Variants in TNS1 observed in about 807,000 individuals in gnomAD.
The protein encoded by TNS1 is tensin 1.
TNS1 carries 62 observed loss-of-function variants against 168.6 expected under a neutral mutation model. The observed-to-expected ratio is 0.37, with a 90% CI of 0.30 to 0.45. The LOEUF is 0.45. Ranked by LOEUF, TNS1 falls within the 20% of genes least tolerant of loss-of-function variation. The pLI is 1.00. For synonymous variants in TNS1, 934 were observed against 933.2 expected (o/e 1.00, Z -0.02); for missense variants, 2,240 against 2,339.4 (o/e 0.96, Z 0.88).
chr2:217,965,642 CAGCCAAGGTGGAGCCCCAGG>C (rs1257716673), intron 3 of TNS1, among the ~76,000 whole-genome samples: 2 of 152,188 alleles, frequency 1.3e-5, no homozygotes, highest in African/African-American at 2.4e-5. Context: ...CAGGTTCTCT[CAGCCAAGGTGGAGCCCCAGG>C]AGGCAAGGAG....
chr2:217,805,486 A>C (rs1938444865), intron 32 of TNS1, among the ~76,000 whole-genome samples: 3 of 35,410 alleles, frequency 8.5e-5, no homozygotes, highest in East Asian at 1.4e-3. Flanking sequence ...CACACACACC[A>C]CACACACACC....
At chr2:218,017,625 T>A (rs1183501683) in intron 1 of TNS1, among the ~76,000 whole-genome samples, 2 of 152,282 alleles carry the variant, frequency 1.3e-5, no homozygotes, top group Non-Finnish European at 2.9e-5. Context: ...GGTCAACTCC[T>A]GGCCCTGGCA....
chr2:217,810,678 T>C (rs1940698510), intron 28 of TNS1, among the ~76,000 whole-genome samples: 1 of 152,320 alleles, frequency 6.6e-6, no homozygotes, highest in South Asian at 2.1e-4. Flanking sequence ...CAAGTGACAA[T>C]TGGCATTGCT....
Position 217,886,076 on chromosome 2 carries a change from C to T in TNS1, c.1008G>A (p.Gln336=), listed in dbSNP as rs1574951865. The change falls in exon 14 of 33, where the codon CAG becomes CAA. Residue 336 remains glutamine (Q), a synonymous_variant. Transcript: ENST00000682258. ...CAGATGTGTACACAGGTTGCATGGCCTGGTAGATGCGGAGAAATGGCCGAC... is the reference window on the plus strand; with the variant it reads ...CAGATGTGTACACAGGTTGCATGGCTTGGTAGATGCGGAGAAATGGCCGAC... ...GGCRPFLRIY[Q]AMQPVYTSGI... is the part of the protein sequence containing the mutation. 5.6e-6 allele frequency: 9 copies of T among 1,613,890 alleles called. No individual in the cohort carries two copies. The African/African-American group carries it at 6.7e-5, about 12-fold the overall frequency.
intron 1 of TNS1, among the ~76,000 whole-genome samples, chr2:218,016,903 G>A (rs2106005921): frequency 6.6e-6 from 1 of 152,334 alleles, no homozygotes; most frequent in South Asian, 2.1e-4. Context: ...ATAAAGAGCA[G>A]CGAGTGGCAG....
rs867907932 is a variant in TNS1, at chr2:217,836,357, G to A, written c.3008-146C>T. 9.1e-6 allele frequency: 7 copies of A among 768,520 alleles called. No homozygotes were observed. In the Middle Eastern group the frequency reaches 1.9e-3, roughly 213 times the overall value. 47.6% of individuals were successfully genotyped at this position (768,520 alleles called of 1,614,324 possible). Reference sequence around the variant, plus strand: ...GTCATCCCCCATTGTCTTCCCCTCAGCCCTCCTGGGTCCAACTCTGTTCAC... The same window carrying A: ...GTCATCCCCCATTGTCTTCCCCTCAACCCTCCTGGGTCCAACTCTGTTCAC... On this transcript the variant is annotated intron_variant, in intron 19 of 32. Transcript: ENST00000682258.
Position 217,894,986 on chromosome 2 carries a change from C to G in TNS1, c.594+20G>C, listed in dbSNP as rs759410189. On this transcript the variant is annotated intron_variant, in intron 9 of 32. Transcript: ENST00000682258. ...CTGTTCTCCTTCTCCTCCCCTACCCCAAAACAGCCCCTGGCTCACCTTGGC... is the reference window on the plus strand; with the variant it reads ...CTGTTCTCCTTCTCCTCCCCTACCCGAAAACAGCCCCTGGCTCACCTTGGC... The G allele has an allele frequency of 6.2e-7, 1 of 1,612,154 alleles. No individual in the cohort carries two copies. Among genetic ancestry groups the G allele is most frequent in the South Asian group, 1.1e-5 (1 of 90,210 alleles).
Position 217,848,748 on chromosome 2 carries a change from G to T in TNS1, c.1769C>A (p.Ser590Tyr), listed in dbSNP as rs1477340309. The T allele has an allele frequency of 1.2e-6, 2 of 1,614,226 alleles. No individual in the cohort carries two copies. Among genetic ancestry groups the T allele is most frequent in the Non-Finnish European group, 1.7e-6 (2 of 1,180,038 alleles). The change falls in exon 19 of 33, where the codon TCC becomes TAC. Residue 590 changes from serine to tyrosine, a missense_variant. By Grantham distance (144) the Ser-to-Tyr change is moderately radical. Transcript: ENST00000682258. ...GAMYHTQHLR[S>Y]RPAGGSAVPS... ...CACAGCCGAGCCCCCTGCTGGGCGG[G>T]ACCTGAGGTGCTGGGTGTGGTACAT...
intron 3 of TNS1, among the ~76,000 whole-genome samples, chr2:217,924,655 G>A (rs1955917209): frequency 1.3e-5 from 2 of 152,188 alleles, no homozygotes; most frequent in Admixed American, 6.5e-5. Context: ...GGCTAATTTT[G>A]TCATACACCT....
At position 217,907,232 on chromosome 2, in the gene TNS1, G is replaced by A; in HGVS notation, c.248C>T (p.Ala83Val). Residue 83 changes from alanine to valine, a missense_variant, in exon 5 of 33, where the codon GCA becomes GTA. Physicochemically the swap from Ala to Val is moderately conservative, Grantham distance 64. Around this residue, in one of 2 missense-constraint regions of TNS1, gnomAD observed 2,131 missense variants for 2,171.2 expected, o/e 0.98. Coordinates refer to ENST00000682258, the MANE Select transcript of TNS1 (RefSeq NM_001387777.1). ...HELVPITTEN[A>V]PKNVVDKGEG... ...CACCTTGTCCACTACATTCTTTGGT[G>A]CATTCTCAGTGGTGATGGGCTGTGG... The A allele has an allele frequency of 1.4e-6, 1 of 703,124 alleles. No individual in the cohort carries two copies. The highest frequency in any genetic ancestry group is 2.6e-6 in the Non-Finnish European group (1 of 385,020). The allele number at this position is 703,124 out of a possible 1,614,324, so 43.6% of individuals were successfully genotyped here. A position where few individuals can be genotyped will look rare whatever the true frequency, so the allele number is the denominator to read the frequency against.
chr2:217,974,279 A>G (rs1246846778), intron 3 of TNS1, among the ~76,000 whole-genome samples: 3 of 152,218 alleles, frequency 2.0e-5, no homozygotes, highest in Non-Finnish European at 4.4e-5. Context: ...AATTAGAAAA[A>G]GGAATATGAT....
chr2:217,864,309 GA>G, intron 18 of TNS1, among the ~76,000 whole-genome samples: 1 of 152,322 alleles, frequency 6.6e-6, no homozygotes, highest in African/African-American at 2.4e-5. Flanking sequence ...GGGTAGAATG[GA>G]ATGAGGCAGG....
intron 1 of TNS1, among the ~76,000 whole-genome samples, chr2:218,009,128 G>A (rs1412601142): frequency 6.6e-6 from 1 of 152,162 alleles, no homozygotes; most frequent in Non-Finnish European, 1.5e-5. Context: ...TAACCAGAAT[G>A]GTGGACTTCC....
chr2:218,031,024 ATG>A (rs1219612667), intron 1 of TNS1, among the ~76,000 whole-genome samples: 32 of 104,558 alleles, frequency 3.1e-4, no homozygotes, highest in African/African-American at 8.6e-4. Flanking sequence ...GTATGTGTGT[ATG>A]TGTGTGTATG....
At chr2:217,852,251 C>T (rs1248111839) in intron 18 of TNS1, among the ~76,000 whole-genome samples, 1 of 152,290 alleles carries the variant, frequency 6.6e-6, no homozygotes, top group South Asian at 2.1e-4. Flanking sequence ...GAGGATGGGG[C>T]CCCTTGGACA....
chr2:217,883,869 T>A (rs1243363366), intron 16 of TNS1, among the ~76,000 whole-genome samples: 6 of 152,164 alleles, frequency 3.9e-5, no homozygotes, highest in Admixed American at 3.9e-4. Context: ...TTTCTCCGCC[T>A]GAGCCCACTC....
chr2:217,979,292 A>T (rs112373767), intron 2 of TNS1, among the ~76,000 whole-genome samples: 1,799 of 152,080 alleles, frequency 0.012, 37 homozygotes, highest in African/African-American at 0.04. Flanking sequence ...ACGCATATAC[A>T]CATTACACCC....
chr2:217,966,320 C>CGCGT (rs1320276488), intron 3 of TNS1, among the ~76,000 whole-genome samples: 1 of 149,796 alleles, frequency 6.7e-6, no homozygotes, highest in Non-Finnish European at 1.5e-5. Context: ...CGCGCGCGCG[C>CGCGT]GTGTGTAAGG....
At chr2:217,894,928 T>C (rs1952119690) in intron 9 of TNS1, 78 bp downstream of exon 9, 1 of 1,372,268 alleles carries the variant, frequency 7.3e-7, no homozygotes, top group Non-Finnish European at 1.0e-6. Context: ...TTCCCCAAGA[T>C]TATTATGTGG....
Sources: allele counts gnomAD v4.1 joint callset (sites outside exome capture counted in the v4.1 genomes callset), GRCh38; gene constraint gnomAD v4.1.1; regional missense constraint gnomAD v4.1.1; transcripts MANE v1.5; gene names NCBI Gene and HGNC (gene_info 2026-07-23, HGNC 2026-07-21).